KATNBL1: variants seen among roughly 807,000 people sequenced by gnomAD.
The protein encoded by KATNBL1 is KATNB1-like protein 1.
In KATNBL1, 28 loss-of-function variants were observed where a neutral mutation model predicts 44.7. The observed-to-expected ratio is 0.63, with a 90% confidence interval of 0.46 to 0.86. KATNBL1 has a LOEUF of 0.86. KATNBL1 is among the 40% of genes least tolerant of loss of function. KATNBL1 has a pLI of 0.00. For missense variants in KATNBL1, 272 were observed against 350.7 expected (o/e 0.78, Z 1.79); for synonymous variants, 78 against 114.9 (o/e 0.68, Z 2.06).
At chr15:34,184,945 C>T (rs1889678541) in intron 1 of KATNBL1, among the ~76,000 whole-genome samples, 1 of 151,934 alleles carries the variant, frequency 6.6e-6, no homozygotes, top group Admixed American at 6.6e-5. Flanking sequence ...TCATCATAGC[C>T]TCTCTTGATG....
chr15:34,198,285 T>C (rs1399859623), intron 1 of KATNBL1: 1 of 152,216 alleles, frequency 6.6e-6, no homozygotes, highest in Non-Finnish European at 1.5e-5. Flanking sequence ...ATCCTTAAAC[T>C]TCCCAATCTT....
chr15:34,198,391 C>T (rs888750973), intron 1 of KATNBL1: 7 of 152,154 alleles, frequency 4.6e-5, no homozygotes, highest in African/African-American at 1.4e-4. Flanking sequence ...ACTGAGATAT[C>T]CCTGAGGATT....
rs567648765 is a variant in KATNBL1 at position 34,144,327 on chromosome 15, T to C, written c.882+1071A>G. On this transcript the variant is annotated intron_variant, in intron 9 of 9. Coordinates refer to ENST00000256544, the MANE Select transcript of KATNBL1 (RefSeq NM_024713.3). Reference sequence around the variant, plus strand: ...GCCCAAGCCTCTGTTTCCCTTAGCATTGTATTTTTTTCCCCCTGAATTCTA... The same window carrying C: ...GCCCAAGCCTCTGTTTCCCTTAGCACTGTATTTTTTTCCCCCTGAATTCTA... Among the ~76,000 whole-genome samples, 207 of 152,006 alleles carry C rather than the reference T, an allele frequency of 1.4e-3. 1 individual carries two copies. The highest frequency in any genetic ancestry group is 5.0e-3 in the African/African-American group (206 of 41,496).
At chr15:34,163,463 T>C in intron 2 of KATNBL1, 97 bp downstream of exon 2, 1 of 1,384,672 alleles carries the variant, frequency 7.2e-7, no homozygotes, top group South Asian at 1.4e-5. Context: ...TTAAGCAGAA[T>C]TATTATCCTC....
At chr15:34,169,187 T>G (rs755124586) in intron 1 of KATNBL1, among the ~76,000 whole-genome samples, 5 of 152,052 alleles carry the variant, frequency 3.3e-5, no homozygotes, top group Non-Finnish European at 5.9e-5. Flanking sequence ...ATTGATAGAC[T>G]GCTAGCAAGA....
chr15:34,164,380 A>AAC (rs1888901616), intron 1 of KATNBL1, among the ~76,000 whole-genome samples: 1 of 151,520 alleles, frequency 6.6e-6, no homozygotes, highest in Non-Finnish European at 1.5e-5. Context: ...AAACTGTGCA[A>AAC]CTAAATCACT....
rs1473153643 is a variant in KATNBL1, at chr15:34,140,752, C to T, written c.*1587G>A. On this transcript the variant is annotated 3_prime_UTR_variant, in exon 10 of 10. Coordinates refer to ENST00000256544, the MANE Select transcript of KATNBL1 (RefSeq NM_024713.3). The stretch of plus-strand genomic sequence containing the variant: ...AGGTTTACAATTCAAATTCCCATGT[C>T]CTGAAAACTGGCCTCTTAAATAACT... 6.6e-6 allele frequency: 1 copy of T among 152,084 alleles called. No individual in the cohort carries two copies. Among genetic ancestry groups the T allele is most frequent in the Non-Finnish European group, 1.5e-5 (1 of 67,974 alleles). 9.4% of individuals were successfully genotyped at this position (152,084 alleles called of 1,614,324 possible). A position where few individuals can be genotyped will look rare whatever the true frequency, so the allele number is the denominator to read the frequency against.
rs532415801 is a variant in KATNBL1 at position 34,196,357 on chromosome 15, G to T, written c.-15+13594C>A. ...CGCGTGAACCCGGGAGGTGGAGGCT[G>T]CAGTGAGTCGAGACTGCATGACTGC... On this transcript the variant is annotated intron_variant, in intron 1 of 9. Transcript: ENST00000256544. Among the ~76,000 whole-genome samples the T allele has an allele frequency of 3.9e-5, 6 of 152,344 alleles. No individual in the cohort carries two copies. The East Asian group carries it at 1.2e-3, about 29-fold the overall frequency.
At chr15:34,193,073 C>A (rs1023140101) in intron 1 of KATNBL1, among the ~76,000 whole-genome samples, 2 of 151,702 alleles carry the variant, frequency 1.3e-5, no homozygotes, top group South Asian at 2.1e-4. Flanking sequence ...AAAAATTAGC[C>A]GGGCGTAGTG....
intron 1 of KATNBL1, among the ~76,000 whole-genome samples, chr15:34,183,589 C>T (rs1418661371): frequency 1.3e-5 from 2 of 151,904 alleles, no homozygotes; most frequent in Admixed American, 6.6e-5. Context: ...TTGCCTCACT[C>T]CAAAAGAAAG....
chr15:34,184,305 C>CAAAAAA (rs531339661), intron 1 of KATNBL1, among the ~76,000 whole-genome samples: 8 of 129,042 alleles, frequency 6.2e-5, no homozygotes, highest in Non-Finnish European at 8.1e-5. Flanking sequence ...GACTCTGTCT[C>CAAAAAA]AAAAAAAAAA....
intron 3 of KATNBL1, 107 bp downstream of exon 3, chr15:34,154,537 A>G (rs1386460597): frequency 4.0e-6 from 3 of 747,320 alleles, no homozygotes; most frequent in Admixed American, 2.4e-5. Context: ...CTGTTTGACA[A>G]TAAGTTAATT....
intron 1 of KATNBL1, among the ~76,000 whole-genome samples, chr15:34,204,244 T>TA (rs1368520909): frequency 6.6e-6 from 1 of 152,174 alleles, no homozygotes; most frequent in Non-Finnish European, 1.5e-5. Flanking sequence ...TGCTGTTTGT[T>TA]ACTACAAAAT....
chr15:34,157,295 G>C (rs968000796), intron 2 of KATNBL1, among the ~76,000 whole-genome samples: 3 of 152,192 alleles, frequency 2.0e-5, no homozygotes, highest in African/African-American at 4.8e-5. Flanking sequence ...CATGATTCTG[G>C]AGGAGGTGGT....
chr15:34,203,935 C>T (rs1040524034), intron 1 of KATNBL1, among the ~76,000 whole-genome samples: 30 of 149,946 alleles, frequency 2.0e-4, no homozygotes, highest in African/African-American at 6.1e-4. Context: ...ATGTAGATGA[C>T]GGGTTAATGG....
chr15:34,186,676 C>A (rs1347483745), intron 1 of KATNBL1, among the ~76,000 whole-genome samples: 1 of 152,238 alleles, frequency 6.6e-6, no homozygotes, highest in Non-Finnish European at 1.5e-5. Flanking sequence ...GGATCCCCCT[C>A]CCCACTGTCC....
rs112711554 is a variant in KATNBL1, at chr15:34,170,708, G to C, written c.-14-7018C>G. Among the ~76,000 whole-genome samples, 11 of 152,060 alleles carry C rather than the reference G, an allele frequency of 7.2e-5. No homozygotes were observed. The South Asian group carries it at 1.5e-3, about 20-fold the overall frequency. ...AACTATACTACAAGGCTACAGTAAC[G>C]AAAACAGCATGGTACTGGTACCAAA... On this transcript the variant is annotated intron_variant, in intron 1 of 9. Coordinates refer to ENST00000256544, the MANE Select transcript of KATNBL1 (RefSeq NM_024713.3).
At chr15:34,157,143 G>T (rs1888661876) in intron 2 of KATNBL1, among the ~76,000 whole-genome samples, 1 of 152,324 alleles carries the variant, frequency 6.6e-6, no homozygotes, top group Non-Finnish European at 1.5e-5. Flanking sequence ...AGCATCAAAG[G>T]TAATAGTTTG....
chr15:34,164,641 T>G (rs1180227346), intron 1 of KATNBL1, among the ~76,000 whole-genome samples: 3 of 152,244 alleles, frequency 2.0e-5, no homozygotes, highest in Non-Finnish European at 2.9e-5. Flanking sequence ...AATTTGTGAT[T>G]TTCTCACTTG....
Sources: allele counts gnomAD v4.1 joint callset (sites outside exome capture counted in the v4.1 genomes callset), GRCh38; gene constraint gnomAD v4.1.1; transcripts MANE v1.5; gene names NCBI Gene and HGNC (gene_info 2026-07-23, HGNC 2026-07-21).